SRP68: variants seen among roughly 807,000 people sequenced by gnomAD.
SRP68 encodes the protein signal recognition particle subunit SRP68.
Under a neutral mutation model 82.2 loss-of-function variants are expected in SRP68, and 15 were observed. The observed-to-expected ratio is 0.18, with a 90% CI of 0.12 to 0.28. The LOEUF (loss-of-function observed/expected upper bound fraction) is 0.28. Among genes scored for constraint, SRP68 ranks in the 10% least tolerant of loss-of-function variants. The pLI, the probability that SRP68 is intolerant of heterozygous loss-of-function variation, is 1.00. For synonymous variants in SRP68, 261 were observed against 292.6 expected (o/e 0.89, Z 1.10); for missense variants, 595 against 780.5 (o/e 0.76, Z 2.83).
At chr17:76,062,559 T>A (rs1316461560) in intron 4 of SRP68, among the ~76,000 whole-genome samples, 4 of 62,776 alleles carry the variant, frequency 6.4e-5, no homozygotes, top group African/African-American at 3.6e-4. Context: ...ATAATATACA[T>A]TATATATTAT....
chr17:76,063,666 C>T (rs2066785716), intron 4 of SRP68, among the ~76,000 whole-genome samples: 1 of 137,444 alleles, frequency 7.3e-6, no homozygotes, highest in African/African-American at 2.8e-5. Flanking sequence ...CCAGCCTGGG[C>T]GACAAAGCAA....
At chr17:76,051,672 T>C (rs900005824) in intron 8 of SRP68, among the ~76,000 whole-genome samples, 1 of 152,156 alleles carries the variant, frequency 6.6e-6, no homozygotes, top group Non-Finnish European at 1.5e-5. Flanking sequence ...CCAATACAAA[T>C]CAAACATACT....
chr17:76,045,118 A>ACC, intron 12 of SRP68, 174 bp downstream of exon 12: 2 of 585,916 alleles, frequency 3.4e-6, no homozygotes, highest in South Asian at 4.1e-5. Context: ...GCCACTACTG[A>ACC]CCACAGCCTT....
At chr17:76,063,559 G>A (rs895023411) in intron 4 of SRP68, among the ~76,000 whole-genome samples, 27 of 152,094 alleles carry the variant, frequency 1.8e-4, no homozygotes, top group Middle Eastern at 3.4e-3. Context: ...GTGGTGGCAC[G>A]TGCCTATAAT....
intron 13 of SRP68, among the ~76,000 whole-genome samples, chr17:76,042,495 G>A (rs912639914): frequency 1.9e-4 from 29 of 148,830 alleles, no homozygotes; most frequent in African/African-American, 6.2e-4. Flanking sequence ...AGCCGAGATC[G>A]TGCCACTGCA....
At chr17:76,066,916 A>G (rs1405813784) in intron 3 of SRP68, among the ~76,000 whole-genome samples, 1 of 151,940 alleles carries the variant, frequency 6.6e-6, no homozygotes, top group Non-Finnish European at 1.5e-5. Context: ...TTAGTAAAGT[A>G]GGGGTTTTGC....
intron 5 of SRP68, 104 bp from the exon 6 acceptor site, chr17:76,061,323 C>T: frequency 6.2e-6 from 6 of 965,208 alleles, no homozygotes; most frequent in Non-Finnish European, 9.7e-6. Flanking sequence ...AGCTCTCCTA[C>T]CAACTACCAT....
At chr17:76,046,257 G>A (rs2066629778) in intron 10 of SRP68, 63 bp from the exon 11 acceptor site, 1 of 1,570,938 alleles carries the variant, frequency 6.4e-7, no homozygotes, top group Non-Finnish European at 8.7e-7. Context: ...GGGAGGACTG[G>A]ACTACAAGTT....
intron 9 of SRP68, among the ~76,000 whole-genome samples, chr17:76,050,126 T>C (rs893754613): frequency 6.6e-6 from 1 of 152,126 alleles, no homozygotes; most frequent in Non-Finnish European, 1.5e-5. Flanking sequence ...ACCACAGGGA[T>C]AGTGTTTTCA....
In SRP68 at chr17:76,045,507, G is replaced by A. The variant is rs561958834; in HGVS notation, c.1300-121C>T. On this transcript the variant is annotated intron_variant, in intron 11 of 15. Coordinates refer to ENST00000307877, the MANE Select transcript of SRP68 (RefSeq NM_014230.4). ...AAAAAAAGCCCGAGGTCAATACGAT[G>A]GGGAAAAGCCTGTGAAGAGATTGGG... is the stretch of plus-strand genomic sequence containing the variant. 231 of 693,124 alleles carry A rather than the reference G, an allele frequency of 3.3e-4. 2 individuals carry two copies. The Middle Eastern group carries it at 4.1e-3, about 12-fold the overall frequency. 42.9% of individuals were successfully genotyped at this position (693,124 alleles called of 1,614,324 possible). A position where few individuals can be genotyped will look rare whatever the true frequency, so the allele number is the denominator to read the frequency against.
Position 76,071,750 on chromosome 17 carries a change from G to A in SRP68, c.184+558C>T, listed in dbSNP as rs2066854641. ...ACCGATTCCTCCAGCTTATATGAAT[G>A]ACTGTCAGCAAGATAAAATGCCTAC... On this transcript the variant is annotated intron_variant, in intron 1 of 15. Coordinates refer to ENST00000307877, the MANE Select transcript of SRP68 (RefSeq NM_014230.4). This position sits in a 1 kb window ranked among gnomAD's most constrained non-coding sequence, Gnocchi z 4.7. 6.6e-6 allele frequency among the ~76,000 whole-genome samples: 1 copy of A among 152,166 alleles called. No homozygotes were observed. Among genetic ancestry groups the A allele is most frequent in the Non-Finnish European group, 1.5e-5 (1 of 68,034 alleles).
chr17:76,046,654 A>C (rs1057464807), intron 10 of SRP68, among the ~76,000 whole-genome samples: 1 of 151,646 alleles, frequency 6.6e-6, no homozygotes, highest in African/African-American at 2.4e-5. Flanking sequence ...AACAAAAAAA[A>C]CGGGGGGCCA....
At chr17:76,060,503 T>C (rs933626652) in intron 6 of SRP68, 113 bp from the exon 7 acceptor site, 1 of 688,294 alleles carries the variant, frequency 1.5e-6, no homozygotes, top group Admixed American at 2.7e-5. Flanking sequence ...CTTCAATGAA[T>C]CTGCAGCACA....
At position 76,060,409 on chromosome 17, in the gene SRP68, A is replaced by G. The variant is rs1466892456; in HGVS notation, c.755-19T>C. 1 of 1,594,292 alleles carries G rather than the reference A, an allele frequency of 6.3e-7. No individual in the cohort carries two copies. Among genetic ancestry groups the G allele is most frequent in the East Asian group, 2.2e-5 (1 of 44,668 alleles). ...TGGTCCCCTAAGAGAGAAAGACAGGAAAATCTTCAAGGGTCTGGTCTGTTT... is the reference window on the plus strand; with the variant it reads ...TGGTCCCCTAAGAGAGAAAGACAGGGAAATCTTCAAGGGTCTGGTCTGTTT... On this transcript the variant is annotated intron_variant, in intron 6 of 15. Coordinates refer to ENST00000307877, the MANE Select transcript of SRP68 (RefSeq NM_014230.4).
rs79610984 is a variant in SRP68 at position 76,056,420 on chromosome 17, A to T, written c.978+983T>A. Among the ~76,000 whole-genome samples the T allele has an allele frequency of 2.5e-3, 375 of 152,368 alleles. 2 individuals are homozygous for T. Among genetic ancestry groups the T allele is most frequent in the African/African-American group, 8.8e-3 (364 of 41,578 alleles). On this transcript the variant is annotated intron_variant, in intron 8 of 15. Transcript: ENST00000307877. ...GGTAGCACCATACAACAGTGCCAATAGAATGCTCTCAAAAAAAGTTCCTTA... is the reference window on the plus strand; with the variant it reads ...GGTAGCACCATACAACAGTGCCAATTGAATGCTCTCAAAAAAAGTTCCTTA...
chr17:76,039,071 C>T lies in SRP68; in HGVS notation c.*635G>A. ...TCCCGAGGAGAGAACGGGGACTGGACATGAGGGAGGGCATATAAGAAATGG... is the reference window on the plus strand; with the variant it reads ...TCCCGAGGAGAGAACGGGGACTGGATATGAGGGAGGGCATATAAGAAATGG... On this transcript the variant is annotated 3_prime_UTR_variant, in exon 16 of 16. Coordinates refer to ENST00000307877, the MANE Select transcript of SRP68 (RefSeq NM_014230.4). 1.3e-5 allele frequency: 4 copies of T among 297,302 alleles called. No individual in the cohort carries two copies. Among genetic ancestry groups the T allele is most frequent in the Admixed American group, 4.1e-5 (1 of 24,484 alleles). The allele number at this position is 297,302 out of a possible 1,614,324, so 18.4% of individuals were successfully genotyped here.
At position 76,047,911 on chromosome 17, in the gene SRP68, C is replaced by T; in HGVS notation, c.1137G>A (p.Leu379=). ...EPGKVSNLQY[L]HSYLTYIKLS... ...AAAATTAAAATAACCCTTACCTATG[C>T]AAGTATTGAAGATTAGACACCTTCC... Residue 379 remains leucine, a synonymous_variant, in exon 10 of 16, where the codon TTG becomes TTA. Coordinates refer to ENST00000307877, the MANE Select transcript of SRP68 (RefSeq NM_014230.4). 6.5e-7 allele frequency: 1 copy of T among 1,536,318 alleles called. No homozygotes were observed. Among genetic ancestry groups the T allele is most frequent in the South Asian group, 1.3e-5 (1 of 76,434 alleles).
intron 2 of SRP68, among the ~76,000 whole-genome samples, chr17:76,067,894 G>A (rs572094072): frequency 1.6e-4 from 24 of 152,344 alleles, no homozygotes; most frequent in African/African-American, 5.8e-4. Flanking sequence ...ATCATGCAGA[G>A]AAAATGGCAA....
intron 4 of SRP68, among the ~76,000 whole-genome samples, chr17:76,062,729 TTA>T (rs200522360): frequency 0.22 from 3,117 of 14,434 alleles, 409 homozygotes; most frequent in South Asian, 0.25. Context: ...TATATTTATT[TTA>T]TATATATATA....
Sources: allele counts gnomAD v4.1 joint callset (sites outside exome capture counted in the v4.1 genomes callset), GRCh38; gene constraint gnomAD v4.1.1; non-coding constraint Gnocchi (gnomAD v3.1); transcripts MANE v1.5; gene names NCBI Gene and HGNC (gene_info 2026-07-23, HGNC 2026-07-21).